The following USP48 variants were observed in gnomAD, a reference collection of about 807,000 sequenced individuals.
USP48 encodes the protein ubiquitin carboxyl-terminal hydrolase 48.
Under a neutral mutation model 150.7 loss-of-function variants are expected in USP48, and 43 were observed. The ratio of observed to expected loss-of-function variants is 0.29; its 90% confidence interval spans 0.22 to 0.37. The LOEUF is 0.37. Among genes scored for constraint, USP48 ranks in the 10% least tolerant of loss-of-function variants. The pLI is 1.00. For synonymous variants in USP48, 396 were observed against 425.9 expected (o/e 0.93, Z 0.86); for missense variants, 813 against 1,249.6 (o/e 0.65, Z 5.27).
At chr1:21,720,286 C>T (rs905057326) in intron 14 of USP48, among the ~76,000 whole-genome samples, 9 of 152,156 alleles carry the variant, frequency 5.9e-5, no homozygotes, top group African/African-American at 1.4e-4. Context: ...AACTCTTAGC[C>T]TAGAACAGAA....
chr1:21,752,571 A>G lies in USP48; in HGVS notation c.621T>C (p.Asn207=), dbSNP rs764895655. 1.2e-6 allele frequency: 2 copies of G among 1,613,470 alleles called. No homozygotes were observed. The highest frequency in any genetic ancestry group is 8.5e-7 in the Non-Finnish European group (1 of 1,179,886). The change falls in exon 5 of 27, where the codon AAT becomes AAC. Residue 207 remains asparagine, a synonymous_variant. Coordinates refer to ENST00000308271, the MANE Select transcript of USP48 (RefSeq NM_032236.8). ...LSKQKNPDVR[N]IVQQQFCGEY... ...CTCCACAGAACTGCTGTTGAACAATATTGCGCACATCTGGATTCTTTTGTT... is the reference window on the plus strand; with the variant it reads ...CTCCACAGAACTGCTGTTGAACAATGTTGCGCACATCTGGATTCTTTTGTT...
intron 5 of USP48, 132 bp from the exon 6 acceptor site, chr1:21,751,747 T>C (rs2097814693): frequency 1.4e-6 from 1 of 703,360 alleles, no homozygotes; most frequent in Middle Eastern, 4.0e-4. Context: ...AAATTATGTA[T>C]ACTAAAAATG....
At chr1:21,746,726 C>G (rs1022386521) in intron 8 of USP48, among the ~76,000 whole-genome samples, 2 of 152,148 alleles carry the variant, frequency 1.3e-5, no homozygotes, top group Non-Finnish European at 2.9e-5. Context: ...CGCTTGGAGA[C>G]TGTTAGTTTT....
chr1:21,720,756 C>G (rs1276754720), intron 14 of USP48, among the ~76,000 whole-genome samples: 1 of 152,042 alleles, frequency 6.6e-6, no homozygotes, highest in Admixed American at 6.6e-5. Context: ...GTCTTGAACA[C>G]CTGACCTCAA....
intron 1 of USP48, among the ~76,000 whole-genome samples, chr1:21,765,809 CAGG>C (rs112021886): frequency 0.073 from 10,621 of 145,160 alleles, 457 homozygotes; most frequent in Middle Eastern, 0.11. Context: ...TCACCTGAGA[CAGG>C]AGAATAGTTT....
chr1:21,718,353 T>C (rs2097710458), intron 14 of USP48, among the ~76,000 whole-genome samples: 2 of 152,248 alleles, frequency 1.3e-5, no homozygotes. Flanking sequence ...AGTGATTGTA[T>C]CTGGTGGGAA....
chr1:21,749,192 G>A (rs1159913964), intron 6 of USP48, among the ~76,000 whole-genome samples: 1 of 151,910 alleles, frequency 6.6e-6, no homozygotes, highest in Admixed American at 6.6e-5. Context: ...TTACCATATT[G>A]TAAGTAATGC....
chr1:21,709,168 G>A (rs1571801162), intron 15 of USP48, among the ~76,000 whole-genome samples: 1 of 152,028 alleles, frequency 6.6e-6, no homozygotes, highest in African/African-American at 2.4e-5. Flanking sequence ...TTATAAGCAT[G>A]AGCCACTATG....
intron 1 of USP48, among the ~76,000 whole-genome samples, chr1:21,770,285 A>C (rs2097875710): frequency 1.3e-5 from 2 of 152,118 alleles, no homozygotes; most frequent in Non-Finnish European, 2.9e-5. Context: ...GAATATACAT[A>C]AAGTCCAACA....
At position 21,778,648 on chromosome 1, in the gene USP48, C is replaced by T. The variant is rs554469240; in HGVS notation, c.134+4176G>A. ...GCCAAAAAAAGGCCATGAACAGTTT[C>T]ATTCATGCAATCCAAGCATTTCAGG... On this transcript the variant is annotated intron_variant, in intron 1 of 26. Coordinates refer to ENST00000308271, the MANE Select transcript of USP48 (RefSeq NM_032236.8). Among the ~76,000 whole-genome samples the T allele has an allele frequency of 2.8e-3, 411 of 145,402 alleles. 9 individuals are homozygous for T. Among genetic ancestry groups the T allele is most frequent in the Non-Finnish European group, 3.1e-3 (207 of 66,616 alleles).
At chr1:21,782,599 C>A (rs1396340630) in intron 1 of USP48, among the ~76,000 whole-genome samples, 1 of 152,254 alleles carries the variant, frequency 6.6e-6, no homozygotes, top group African/African-American at 2.4e-5. Flanking sequence ...TGGATGGGAA[C>A]CCAAACCTTC....
At chr1:21,687,054 G>T in intron 25 of USP48, 137 bp downstream of exon 25, 1 of 769,294 alleles carries the variant, frequency 1.3e-6, no homozygotes, top group East Asian at 2.7e-5. Flanking sequence ...TTAAGATAAT[G>T]TATTCTACTG....
At chr1:21,736,830 G>C (rs972780173) in intron 8 of USP48, among the ~76,000 whole-genome samples, 3 of 152,078 alleles carry the variant, frequency 2.0e-5, no homozygotes, top group Non-Finnish European at 4.4e-5. Flanking sequence ...ACAGCACACT[G>C]TATTAATTCT....
At chr1:21,771,579 G>C (rs1240000341) in intron 1 of USP48, among the ~76,000 whole-genome samples, 8 of 151,682 alleles carry the variant, frequency 5.3e-5, no homozygotes, top group African/African-American at 1.9e-4. Flanking sequence ...TTAGAATTGT[G>C]GTATCACTAC....
intron 1 of USP48, among the ~76,000 whole-genome samples, chr1:21,766,111 T>C (rs978227045): frequency 2.6e-5 from 4 of 152,068 alleles, no homozygotes; most frequent in African/African-American, 9.7e-5. Context: ...CTCACACCCG[T>C]AGTCCCAGCA....
At chr1:21,728,334 T>C in intron 11 of USP48, 1 of 1,276,354 alleles carries the variant, frequency 7.8e-7, no homozygotes, top group Non-Finnish European at 9.9e-7. Flanking sequence ...AGTGCTGACC[T>C]AAATGTTATA....
At chr1:21,745,875 T>C (rs1168502304) in intron 8 of USP48, among the ~76,000 whole-genome samples, 3 of 152,240 alleles carry the variant, frequency 2.0e-5, no homozygotes, top group Admixed American at 6.5e-5. Flanking sequence ...AAGTGAACTA[T>C]AGCTAAGTTT....
chr1:21,756,355 C>T (rs962435352), intron 3 of USP48, among the ~76,000 whole-genome samples, 191 bp downstream of exon 3: 13 of 151,548 alleles, frequency 8.6e-5, no homozygotes, highest in Non-Finnish European at 1.8e-4. Context: ...GTGGCGGGCG[C>T]CTGTAATCCC....
chr1:21,774,957 C>A (rs2097893783), intron 1 of USP48, among the ~76,000 whole-genome samples: 1 of 151,366 alleles, frequency 6.6e-6, no homozygotes, highest in Non-Finnish European at 1.5e-5. Flanking sequence ...ACGCACTGCA[C>A]TCCAGCCTGG....
Sources: gnomAD v4.1 joint callset for allele counts (sites outside exome capture counted in the v4.1 genomes callset) on GRCh38, gnomAD v4.1.1 for gene constraint, MANE v1.5 for transcripts, NCBI Gene and HGNC (gene_info 2026-07-23, HGNC 2026-07-21) for gene names.